Variants in METTL15 observed in about 807,000 individuals in gnomAD.
METTL15 encodes methyltransferase 15, mitochondrial 12S rRNA N4-cytidine.
Under a neutral mutation model 38.3 loss-of-function variants are expected in METTL15, and 34 were observed. That is an observed-to-expected ratio of 0.89 (90% CI 0.68 to 1.18). METTL15 has a LOEUF of 1.18. Ranked by LOEUF, METTL15 falls within the 50% of genes most tolerant of loss-of-function variation. The pLI is 0.00. For missense variants in METTL15, 438 were observed against 498.4 expected (o/e 0.88, Z 1.15); for synonymous variants, 162 against 170.9 (o/e 0.95, Z 0.41).
chr11:28,359,754 C>G (rs765619550), intron 4 of METTL15, among the ~76,000 whole-genome samples: 35 of 152,270 alleles, frequency 2.3e-4, no homozygotes, highest in African/African-American at 7.9e-4. Context: ...TTGCAACTCA[C>G]CAGAAACATG....
At chr11:28,141,838 G>A (rs1316961359) in intron 3 of METTL15, among the ~76,000 whole-genome samples, 1 of 152,126 alleles carries the variant, frequency 6.6e-6, no homozygotes, top group Admixed American at 6.6e-5. Context: ...TTCTAACCTT[G>A]TGGCCTTTCA....
At chr11:28,153,686 A>G (rs1850169519) in intron 3 of METTL15, among the ~76,000 whole-genome samples, 1 of 152,178 alleles carries the variant, frequency 6.6e-6, no homozygotes, top group Non-Finnish European at 1.5e-5. Flanking sequence ...TGAGTGACCC[A>G]GTCTACTGAG....
At chr11:28,201,044 G>T (rs1565160891) in intron 3 of METTL15, among the ~76,000 whole-genome samples, 1 of 151,992 alleles carries the variant, frequency 6.6e-6, no homozygotes, top group East Asian at 1.9e-4. Context: ...GTTGGCTGTG[G>T]GTTTGTCATA....
intron 3 of METTL15, among the ~76,000 whole-genome samples, chr11:28,179,699 T>G (rs1851213118): frequency 6.6e-6 from 1 of 151,860 alleles, no homozygotes; most frequent in Non-Finnish European, 1.5e-5. Context: ...TTTCTAGTTT[T>G]GTTTATTATG....
At chr11:28,374,652 T>A (rs913991183) in intron 5 of METTL15, among the ~76,000 whole-genome samples, 1 of 148,442 alleles carries the variant, frequency 6.7e-6, no homozygotes, top group African/African-American at 2.5e-5. Context: ...TTGAATACCC[T>A]TTATTTCCTT....
At chr11:28,340,605 A>G (rs1849942489) in intron 3 of METTL15, among the ~76,000 whole-genome samples, 1 of 152,204 alleles carries the variant, frequency 6.6e-6, no homozygotes, top group African/African-American at 2.4e-5. Flanking sequence ...AGTGATGCAA[A>G]TCAAGACCAC....
Position 28,330,917 on chromosome 11 carries a change from C to T in METTL15, c.*76C>T, listed in dbSNP as rs555343296. On this transcript the variant is annotated 3_prime_UTR_variant, in exon 7 of 7. Transcript: ENST00000407364. Reference sequence around the variant, plus strand: ...TTACTCATGTTATGTCCCTGAATGTCTTGGTATAGGTTTAAGTGTGGGACA... The same window carrying T: ...TTACTCATGTTATGTCCCTGAATGTTTTGGTATAGGTTTAAGTGTGGGACA... 124 of 1,106,588 alleles carry T rather than the reference C, an allele frequency of 1.1e-4. 1 individual carries two copies. The South Asian group carries it at 1.8e-3, about 16-fold the overall frequency. 68.5% of individuals were successfully genotyped at this position (1,106,588 alleles called of 1,614,324 possible). A position where few individuals can be genotyped will look rare whatever the true frequency, so the allele number is the denominator to read the frequency against.
At chr11:28,447,667 A>G (rs921351605) in intron 6 of METTL15, among the ~76,000 whole-genome samples, 3 of 152,088 alleles carry the variant, frequency 2.0e-5, no homozygotes, top group African/African-American at 2.4e-5. Flanking sequence ...AAAACTTACC[A>G]TGAATAATTT....
At chr11:28,380,833 T>A (rs1158671946) in intron 5 of METTL15, among the ~76,000 whole-genome samples, 2 of 34,844 alleles carry the variant, frequency 5.7e-5, no homozygotes, top group Non-Finnish European at 1.1e-4. Context: ...TATTATTAGA[T>A]GAGAGTTTTT....
chr11:28,225,391 A>T (rs1853434552), intron 4 of METTL15, among the ~76,000 whole-genome samples: 1 of 151,926 alleles, frequency 6.6e-6, no homozygotes, highest in East Asian at 1.9e-4. Flanking sequence ...GAAAGGATAC[A>T]TCTGAGGTTT....
intron 4 of METTL15, among the ~76,000 whole-genome samples, chr11:28,224,478 A>G (rs1386181701): frequency 1.3e-5 from 2 of 151,898 alleles, no homozygotes; most frequent in Non-Finnish European, 2.9e-5. Context: ...TAATTCATAG[A>G]ACTAACACCA....
intron 6 of METTL15, among the ~76,000 whole-genome samples, chr11:28,320,501 G>A (rs1849428236): frequency 6.6e-6 from 1 of 152,176 alleles, no homozygotes; most frequent in East Asian, 1.9e-4. Flanking sequence ...CAAGGCTGCA[G>A]TGTGAGCTAT....
intron 4 of METTL15, among the ~76,000 whole-genome samples, chr11:28,237,816 C>T (rs957053331): frequency 6.6e-6 from 1 of 152,180 alleles, no homozygotes. Flanking sequence ...AGTTTCCCTT[C>T]TAACAGACAG....
intron 5 of METTL15, among the ~76,000 whole-genome samples, chr11:28,372,006 G>GTTGAATA (rs1218809139): frequency 3.3e-5 from 5 of 151,730 alleles, no homozygotes; most frequent in Non-Finnish European, 5.9e-5. Context: ...CTTTTCTAGT[G>GTTGAATA]AGAACTTACA....
At chr11:28,164,904 A>G (rs976696526) in intron 3 of METTL15, among the ~76,000 whole-genome samples, 6 of 151,966 alleles carry the variant, frequency 3.9e-5, no homozygotes, top group South Asian at 2.1e-4. Flanking sequence ...CTCTAACTCT[A>G]TGAGTTACAC....
At chr11:28,134,641 CTGAGGTCAGTTTAAGG>C (rs1849455231) in intron 3 of METTL15, 3 of 398,308 alleles carry the variant, frequency 7.5e-6, no homozygotes, top group Non-Finnish European at 8.9e-6. Flanking sequence ...AGGACTCCTC[CTGAGGTCAGTTTAAGG>C]GTCCTGGGAA....
intron 5 of METTL15, among the ~76,000 whole-genome samples, chr11:28,368,736 A>G (rs181193876): frequency 5.9e-5 from 9 of 152,312 alleles, no homozygotes; most frequent in African/African-American, 2.2e-4. Context: ...CACAATAGCA[A>G]AGACTTGGAA....
intron 3 of METTL15, among the ~76,000 whole-genome samples, chr11:28,208,934 T>C (rs902732439): frequency 6.6e-6 from 1 of 152,014 alleles, no homozygotes; most frequent in Non-Finnish European, 1.5e-5. Flanking sequence ...AATCACGTAT[T>C]AACTCAGGAC....
chr11:28,243,081 TA>T (rs879689338), intron 4 of METTL15, among the ~76,000 whole-genome samples: 445 of 139,184 alleles, frequency 3.2e-3, no homozygotes, highest in Non-Finnish European at 3.4e-3. Context: ...GATTGGAGTG[TA>T]AAAAAAAAAA....
Sources: gnomAD v4.1 joint callset for allele counts (sites outside exome capture counted in the v4.1 genomes callset) on GRCh38, gnomAD v4.1.1 for gene constraint, MANE v1.5 for transcripts, NCBI Gene and HGNC (gene_info 2026-07-23, HGNC 2026-07-21) for gene names.